Variants in DOCK4 observed in about 807,000 individuals in gnomAD.
DOCK4 encodes dedicator of cytokinesis protein 4.
A neutral mutation model predicts 268.1 loss-of-function variants in DOCK4; 97 were observed. The ratio of observed to expected loss-of-function variants is 0.36; its 90% CI spans 0.31 to 0.43. The LOEUF is 0.43. Among genes scored for constraint, DOCK4 ranks in the 20% least tolerant of loss-of-function variants. DOCK4 has a pLI of 1.00. For missense variants in DOCK4, 2,145 were observed against 2,455.7 expected (o/e 0.87, Z 2.67); for synonymous variants, 954 against 887.2 (o/e 1.08, Z -1.34).
chr7:111,795,709 C>G (rs1430120683), intron 30 of DOCK4, among the ~76,000 whole-genome samples: 1 of 152,184 alleles, frequency 6.6e-6, no homozygotes, highest in African/African-American at 2.4e-5. Context: ...ATGTAAGCAC[C>G]AGTACCCTCT....
intron 11 of DOCK4, among the ~76,000 whole-genome samples, chr7:111,937,973 G>A (rs886435414): frequency 6.6e-6 from 1 of 152,196 alleles, no homozygotes; most frequent in African/African-American, 2.4e-5. Flanking sequence ...TAAGCACACA[G>A]TAAAGGGTGG....
chr7:111,976,152 A>AT (rs1798142460), intron 8 of DOCK4, among the ~76,000 whole-genome samples: 8 of 89,176 alleles, frequency 9.0e-5, no homozygotes, highest in Non-Finnish European at 1.6e-4. Flanking sequence ...AAAAAAAAAA[A>AT]AAAAAAAAAA....
At chr7:112,110,825 G>C (rs1286788204) in intron 1 of DOCK4, among the ~76,000 whole-genome samples, 1 of 152,148 alleles carries the variant, frequency 6.6e-6, no homozygotes, top group Non-Finnish European at 1.5e-5. Context: ...CAGCTGGAGG[G>C]GTGGCTTACA....
At chr7:111,900,912 T>C (rs968585049) in intron 14 of DOCK4, among the ~76,000 whole-genome samples, 17 of 152,232 alleles carry the variant, frequency 1.1e-4, no homozygotes, top group African/African-American at 3.6e-4. Flanking sequence ...AATGGGCAAC[T>C]GTATGTCTCT....
At chr7:112,070,916 C>A (rs971534880) in intron 1 of DOCK4, among the ~76,000 whole-genome samples, 1 of 152,070 alleles carries the variant, frequency 6.6e-6, no homozygotes, top group African/African-American at 2.4e-5. Context: ...TGAAGGGGCA[C>A]GAGGTAAGCA....
intron 3 of DOCK4, 93 bp downstream of exon 3, chr7:112,000,401 C>T: frequency 2.3e-6 from 2 of 857,462 alleles, no homozygotes; most frequent in Middle Eastern, 3.6e-4. Context: ...TCAACTGAGT[C>T]CCAACTGTAA....
At chr7:111,956,945 C>CT (rs1408850186) in intron 8 of DOCK4, among the ~76,000 whole-genome samples, 15 of 152,242 alleles carry the variant, frequency 9.9e-5, no homozygotes, top group Admixed American at 8.5e-4. Context: ...CTGATAGATT[C>CT]TTTATATTCA....
intron 1 of DOCK4, among the ~76,000 whole-genome samples, chr7:112,014,792 C>T (rs2135380676): frequency 6.6e-6 from 1 of 152,172 alleles, no homozygotes; most frequent in East Asian, 1.9e-4. Flanking sequence ...GTGGTCCTGG[C>T]TATTCAAGAG....
In DOCK4 at chr7:111,769,510, G is replaced by C. The variant is rs768252040; in HGVS notation, c.3828+19C>G. 14 of 1,612,770 alleles carry C rather than the reference G, an allele frequency of 8.7e-6. No individual in the cohort carries two copies. Among genetic ancestry groups the C allele is most frequent in the Non-Finnish European group, 1.1e-5 (13 of 1,179,632 alleles). On this transcript the variant is annotated intron_variant, in intron 37 of 52. Transcript: ENST00000428084. The stretch of plus-strand genomic sequence containing the variant: ...ACCATCACCCCAGGAGGGACCCCGG[G>C]CGGGGCAGGGCCACTTACTTTGCCT...
chr7:111,907,872 G>A (rs1167964724), intron 13 of DOCK4, among the ~76,000 whole-genome samples: 1 of 151,976 alleles, frequency 6.6e-6, no homozygotes, highest in Admixed American at 6.5e-5. Flanking sequence ...GGGACTGCAG[G>A]CGCACGCCAC....
chr7:111,863,683 G>A (rs1405484202), intron 22 of DOCK4, 119 bp from the exon 23 acceptor site: 1 of 1,077,444 alleles, frequency 9.3e-7, no homozygotes, highest in African/African-American at 1.6e-5. Context: ...ATAGAAGTAT[G>A]AAATGTTTCT....
intron 51 of DOCK4, among the ~76,000 whole-genome samples, chr7:111,733,036 C>G (rs1408602211): frequency 6.6e-6 from 1 of 152,218 alleles, no homozygotes; most frequent in South Asian, 2.1e-4. Context: ...TAAAGCATAG[C>G]CCTGTATGGT....
At chr7:112,099,068 T>C (rs1433934463) in intron 1 of DOCK4, among the ~76,000 whole-genome samples, 3 of 152,056 alleles carry the variant, frequency 2.0e-5, no homozygotes, top group Non-Finnish European at 4.4e-5. Context: ...GGTGGGCGGA[T>C]GGCTTGAGCC....
chr7:111,917,523 C>A (rs1792713086), intron 12 of DOCK4, among the ~76,000 whole-genome samples: 1 of 151,584 alleles, frequency 6.6e-6, no homozygotes, highest in African/African-American at 2.4e-5. Context: ...ACCATCCTGG[C>A]TAACAAGGTG....
At chr7:112,200,040 A>C (rs1554478641) in intron 1 of DOCK4, among the ~76,000 whole-genome samples, 1 of 152,218 alleles carries the variant, frequency 6.6e-6, no homozygotes, top group Non-Finnish European at 1.5e-5. Context: ...CAAAGACAAT[A>C]ACCACCACCA....
At chr7:112,153,059 A>T (rs978445592) in intron 1 of DOCK4, among the ~76,000 whole-genome samples, 4 of 152,180 alleles carry the variant, frequency 2.6e-5, no homozygotes, top group African/African-American at 9.7e-5. Context: ...GTGGCAAATG[A>T]GTAATATTAT....
chr7:112,078,811 CT>C (rs1320416622), intron 1 of DOCK4, among the ~76,000 whole-genome samples: 1 of 152,068 alleles, frequency 6.6e-6, no homozygotes, highest in South Asian at 2.1e-4. Context: ...CCAGTACTGC[CT>C]TTTTGATATA....
Position 111,728,396 on chromosome 7 carries a change from C to G in DOCK4, c.5806G>C (p.Glu1936Gln), listed in dbSNP as rs762946263. The G allele has an allele frequency of 6.4e-7, 1 of 1,560,484 alleles. No individual in the cohort carries two copies. The highest frequency in any genetic ancestry group is 8.7e-7 in the Non-Finnish European group (1 of 1,151,726). Residue 1936 changes from glutamate (E) to glutamine (Q), a missense_variant, in exon 53 of 53, where the codon GAG (glutamate) becomes CAG (glutamine). Glu to Gln is a conservative substitution (Grantham distance 29, BLOSUM62 2). Coordinates refer to ENST00000428084, the MANE Select transcript of DOCK4 (RefSeq NM_001363540.2). The stretch of plus-strand genomic sequence containing the variant: ...GGCTTGGGGGGCAGCGCGGGCGGCT[C>G]CGACGTGACGGGGATGGAGAGGCTG... ...PHSLSIPVTS[E>Q]PPALPPKPLA...
intron 25 of DOCK4, among the ~76,000 whole-genome samples, chr7:111,841,564 T>C (rs1803696398): frequency 6.6e-6 from 1 of 151,912 alleles, no homozygotes; most frequent in Admixed American, 6.6e-5. Flanking sequence ...TAGGTCTGTC[T>C]GAGTACTCTT....
Sources: gnomAD v4.1 joint callset for allele counts (sites outside exome capture counted in the v4.1 genomes callset) on GRCh38, gnomAD v4.1.1 for gene constraint, MANE v1.5 for transcripts, NCBI Gene and HGNC (gene_info 2026-07-23, HGNC 2026-07-21) for gene names.